WNK2: variants seen among roughly 807,000 people sequenced by gnomAD.
WNK2 encodes the protein serine/threonine-protein kinase WNK2.
WNK2 carries 67 observed loss-of-function variants against 192.1 expected under a neutral mutation model. The ratio of observed to expected loss-of-function variants is 0.35; its 90% CI spans 0.29 to 0.43. The LOEUF (loss-of-function observed/expected upper bound fraction) is 0.43, where lower values mean the gene tolerates loss of function less well. Among genes scored for constraint, WNK2 ranks in the 20% least tolerant of loss-of-function variants. WNK2 has a pLI of 1.00. For missense variants in WNK2, 2,698 were observed against 3,089.7 expected (o/e 0.87, Z 3.01); for synonymous variants, 1,439 against 1,393.9 (o/e 1.03, Z -0.72).
At chr9:93,230,641 T>C (rs1229287220) in intron 3 of WNK2, among the ~76,000 whole-genome samples, 2 of 152,212 alleles carry the variant, frequency 1.3e-5, no homozygotes, top group African/African-American at 2.4e-5. Flanking sequence ...GTATGAGCTT[T>C]AGTAGCCAGG....
chr9:93,256,149 T>A, intron 9 of WNK2, 150 bp from the exon 10 acceptor site: 1 of 980,406 alleles, frequency 1.0e-6, no homozygotes, highest in South Asian at 2.3e-5. Context: ...TGCCCAGGGC[T>A]CCCTCACTGC....
rs1006496028 is a variant in WNK2 at position 93,256,393 on chromosome 9, T to C, written c.2129T>C (p.Leu710Pro). 8 of 1,554,668 alleles carry C rather than the reference T, an allele frequency of 5.1e-6. No homozygotes were observed. Among genetic ancestry groups the C allele is most frequent in the Middle Eastern group, 1.8e-4 (1 of 5,600 alleles). The stretch of plus-strand genomic sequence containing the variant: ...CCGGCCATGAGCTTCGCCCCCGTGC[T>C]GCCGCCGCCCAGCACCCCCATGCCC... ...PDPAMSFAPV[L>P]PPPSTPMPTG... The change falls in exon 10 of 30, where the codon CTG (leucine) becomes CCG (proline). Residue 710 changes from leucine to proline, a missense_variant. Leu to Pro is a moderately conservative substitution (Grantham distance 98). This residue lies in a region of WNK2 where 893 missense variants were observed against 909.0 expected (regional missense o/e 0.98). Transcript: ENST00000427277.
chr9:93,300,193 G>A (rs746128746), intron 26 of WNK2, 44 bp downstream of exon 26: 1 of 1,514,518 alleles, frequency 6.6e-7, no homozygotes, highest in Non-Finnish European at 9.1e-7. Flanking sequence ...CTGGCCCTTG[G>A]TTTTCTCCCC....
chr9:93,222,598 G>C (rs1837107748), intron 2 of WNK2, among the ~76,000 whole-genome samples: 3 of 152,244 alleles, frequency 2.0e-5, no homozygotes, highest in African/African-American at 7.2e-5. Context: ...AGAAGTCTAG[G>C]GGCACATCAG....
At chr9:93,254,602 T>A (rs1450662236) in intron 9 of WNK2, among the ~76,000 whole-genome samples, 1 of 152,232 alleles carries the variant, frequency 6.6e-6, no homozygotes, top group Non-Finnish European at 1.5e-5. Context: ...CATTTGCAAT[T>A]TGCATTTGCA....
At chr9:93,204,308 C>T (rs543267437) in intron 2 of WNK2, among the ~76,000 whole-genome samples, 5 of 152,202 alleles carry the variant, frequency 3.3e-5, no homozygotes, top group South Asian at 2.1e-4. Context: ...CAGACGAGGG[C>T]GGGCAGAAGA....
In WNK2 at chr9:93,292,654, G is replaced by A. The variant is rs2133879249; in HGVS notation, c.5189G>A (p.Arg1730Gln). 2.5e-6 allele frequency: 4 copies of A among 1,580,830 alleles called. No homozygotes were observed. Among genetic ancestry groups the A allele is most frequent in the South Asian group, 1.2e-5 (1 of 86,616 alleles). ...TLGARALGSP[R>Q]KRPEQQDVSS... ...GGCGCTCGAGCTTTGGGGTCCCCTC[G>A]GAAACGTCCAGAGCAGCAGGATGTC... Residue 1730 changes from arginine to glutamine, a missense_variant, in exon 23 of 30, where the codon CGG becomes CAG. Physicochemically the swap from Arg to Gln is conservative, Grantham distance 43. Coordinates refer to ENST00000427277, the MANE Select transcript of WNK2 (RefSeq NM_006648.4).
At position 93,308,592 on chromosome 9, in the gene WNK2, CGGGGCGGGT is replaced by C. The variant is rs1853050555; in HGVS notation, c.6516+19_6516+27del. On this transcript the variant is annotated intron_variant, in intron 28 of 29. Coordinates refer to ENST00000427277, the MANE Select transcript of WNK2 (RefSeq NM_006648.4). ...CCTGGCGAGGCGCGGGCTGTGAGTGCGGGGCGGGTGGGGCGGGTGCTCCTGGGGTGGGGT... is the reference window on the plus strand; with the variant it reads ...CCTGGCGAGGCGCGGGCTGTGAGTGCGGGGCGGGTGCTCCTGGGGTGGGGT... 1.4e-5 allele frequency: 5 copies of C among 353,688 alleles called. No homozygotes were observed. The highest frequency in any genetic ancestry group is 2.5e-5 in the South Asian group (1 of 39,970). The allele number at this position is 353,688 out of a possible 1,614,324, so 21.9% of individuals were successfully genotyped here.
At chr9:93,304,984 T>C (rs564316082) in intron 26 of WNK2, among the ~76,000 whole-genome samples, 89 of 152,274 alleles carry the variant, frequency 5.8e-4, no homozygotes, top group African/African-American at 2.0e-3. Context: ...AGGTGCCGTG[T>C]CCTCCAGACA....
Position 93,256,718 on chromosome 9 carries a change from T to G in WNK2, c.2191-230T>G, listed in dbSNP as rs1327657995. On this transcript the variant is annotated intron_variant, in intron 10 of 29. Transcript: ENST00000427277. Reference sequence around the variant, plus strand: ...GAAGGCTCTGCTCACTCAGAACATTTCTGCAAGATCTGCTGTGCCCTGGCT... The same window carrying G: ...GAAGGCTCTGCTCACTCAGAACATTGCTGCAAGATCTGCTGTGCCCTGGCT... 9.0e-6 allele frequency: 6 copies of G among 663,534 alleles called. No individual in the cohort carries two copies. The Admixed American group carries it at 1.6e-4, about 18-fold the overall frequency. 41.1% of individuals were successfully genotyped at this position (663,534 alleles called of 1,614,324 possible).
intron 26 of WNK2, among the ~76,000 whole-genome samples, chr9:93,300,934 C>T (rs867269953): frequency 2.3e-4 from 35 of 152,248 alleles, no homozygotes; most frequent in African/African-American, 7.7e-4. Context: ...GCCGGCTCCT[C>T]CTCCTCCTCC....
At chr9:93,192,452 A>G (rs1213023171) in intron 2 of WNK2, among the ~76,000 whole-genome samples, 1 of 152,106 alleles carries the variant, frequency 6.6e-6, no homozygotes. Context: ...GGCTTGGGAC[A>G]TGCTTAATCT....
At chr9:93,232,900 G>A (rs1175018268) in intron 4 of WNK2, among the ~76,000 whole-genome samples, 2 of 126,374 alleles carry the variant, frequency 1.6e-5, no homozygotes, top group Admixed American at 1.9e-4. Context: ...GCTGAAGCAG[G>A]AGAATTGCTT....
intron 2 of WNK2, among the ~76,000 whole-genome samples, chr9:93,198,840 C>G (rs933486314): frequency 2.6e-5 from 4 of 152,220 alleles, no homozygotes; most frequent in African/African-American, 9.6e-5. Context: ...GCCCTGCCCT[C>G]TTGCCCCATT....
At position 93,318,343 on chromosome 9, in the gene WNK2, T is replaced by A. The variant is rs376679853; in HGVS notation, c.6628+712T>A. ...TTAGCTACCTTAAGTATTGAAGAGC[T>A]TCCATTGCTAGGTGAGCCCTGCTTT... On this transcript the variant is annotated intron_variant, in intron 29 of 29. Coordinates refer to ENST00000427277, the MANE Select transcript of WNK2 (RefSeq NM_006648.4). The A allele has an allele frequency of 8.8e-6, 14 of 1,589,726 alleles. No individual in the cohort carries two copies. The South Asian group carries it at 1.2e-4, about 14-fold the overall frequency.
chr9:93,198,481 T>C (rs976765735), intron 2 of WNK2, among the ~76,000 whole-genome samples: 13 of 152,106 alleles, frequency 8.5e-5, no homozygotes, highest in Admixed American at 4.6e-4. Context: ...CAGGGCTATG[T>C]TGTTCCTCCT....
At position 93,239,927 on chromosome 9, in the gene WNK2, TC is replaced by T; in HGVS notation, c.1494del (p.Phe498LeufsTer17). On this transcript the variant is annotated frameshift_variant, in exon 7 of 30. Coordinates refer to ENST00000427277, the MANE Select transcript of WNK2 (RefSeq NM_006648.4). LOFTEE classifies it high-confidence loss of function. The surrounding 1 kb of genome is among the most constrained non-coding windows in gnomAD (Gnocchi z 4.2). Reference protein sequence around the residue: ...GKPKDNGAIEFTFDLEKETPD... With the variant: ...GKPKDNGAIEXTFDLEKETPD... ...CCCAAGGACAATGGAGCCATAGAGT[TC>T]ACCTTCGACCTGGAGAAGGAGACGC... is the stretch of plus-strand genomic sequence containing the variant. 1 of 1,612,324 alleles carries T rather than the reference TC, an allele frequency of 6.2e-7. No homozygotes were observed. The highest frequency in any genetic ancestry group is 8.5e-7 in the Non-Finnish European group (1 of 1,179,274).
At position 93,302,470 on chromosome 9, in the gene WNK2, G is replaced by A. The variant is rs115589918; in HGVS notation, c.6214+2321G>A. ...CCCAGCCTTTGCTCCCTAGGGCCTGGGGAGAGCTTTCAGCTCACTGCCCTG... is the reference window on the plus strand; with the variant it reads ...CCCAGCCTTTGCTCCCTAGGGCCTGAGGAGAGCTTTCAGCTCACTGCCCTG... On this transcript the variant is annotated intron_variant, in intron 26 of 29. Coordinates refer to ENST00000427277, the MANE Select transcript of WNK2 (RefSeq NM_006648.4). 7.0e-3 allele frequency among the ~76,000 whole-genome samples: 1,070 copies of A among 152,304 alleles called. 13 individuals carry two copies. Among genetic ancestry groups the A allele is most frequent in the African/African-American group, 0.024 (988 of 41,562 alleles).
At chr9:93,301,607 G>C (rs1372703323) in intron 26 of WNK2, among the ~76,000 whole-genome samples, 1 of 152,158 alleles carries the variant, frequency 6.6e-6, no homozygotes, top group East Asian at 1.9e-4. Flanking sequence ...GCGTCTCTGG[G>C]TCCTCTTATG....
Sources: gnomAD v4.1 joint callset for allele counts (sites outside exome capture counted in the v4.1 genomes callset) on GRCh38, gnomAD v4.1.1 for gene constraint, gnomAD v4.1.1 regional missense constraint, Gnocchi (gnomAD v3.1) non-coding constraint, MANE v1.5 for transcripts, NCBI Gene and HGNC (gene_info 2026-07-23, HGNC 2026-07-21) for gene names.